Variants in CDK17 observed in about 807,000 individuals in gnomAD.
CDK17 encodes cyclin dependent kinase 17.
A neutral mutation model predicts 77.6 loss-of-function variants in CDK17; 24 were observed. That is an observed-to-expected ratio of 0.31 (90% CI 0.22 to 0.44). The LOEUF (loss-of-function observed/expected upper bound fraction) is 0.44. CDK17 is among the 20% of genes least tolerant of loss of function. CDK17 has a pLI of 1.00. For synonymous variants in CDK17, 203 were observed against 210.4 expected (o/e 0.96, Z 0.30); for missense variants, 429 against 622.5 (o/e 0.69, Z 3.31).
chr12:96,369,878 A>C (rs963212127), intron 1 of CDK17, among the ~76,000 whole-genome samples: 1 of 152,210 alleles, frequency 6.6e-6, no homozygotes, highest in Non-Finnish European at 1.5e-5. Context: ...CAGGAGTTCA[A>C]GACCAGCCTG....
intron 4 of CDK17, among the ~76,000 whole-genome samples, chr12:96,312,285 G>GA (rs984543152): frequency 1.3e-5 from 2 of 151,906 alleles, no homozygotes; most frequent in Non-Finnish European, 2.9e-5. Context: ...TCATAAACCA[G>GA]AAAAAAATAT....
intron 1 of CDK17, among the ~76,000 whole-genome samples, chr12:96,350,431 G>T (rs1953292968): frequency 1.3e-5 from 2 of 150,348 alleles, no homozygotes; most frequent in African/African-American, 2.4e-5. Context: ...TGAACTAGAA[G>T]AACAAAGGTG....
At chr12:96,318,194 G>C (rs937360043) in intron 3 of CDK17, among the ~76,000 whole-genome samples, 87 of 151,230 alleles carry the variant, frequency 5.8e-4, no homozygotes, top group South Asian at 3.0e-3. Flanking sequence ...GATCAAAAGA[G>C]ACAAAGAAGG....
intron 1 of CDK17, among the ~76,000 whole-genome samples, chr12:96,364,417 C>T (rs959484195): frequency 1.3e-5 from 2 of 152,162 alleles, no homozygotes; most frequent in African/African-American, 2.4e-5. Flanking sequence ...ACAGGTATTA[C>T]CTTTTAAATT....
chr12:96,400,082 G>T lies in CDK17; in HGVS notation c.-126C>A. The stretch of plus-strand genomic sequence containing the variant: ...CCCGCGGCGACCGGATGCAAGTCCG[G>T]GTCTCAGCGGCCGGCAGACGTGAGG... On this transcript the variant is annotated 5_prime_UTR_variant, in exon 1 of 17. Transcript: ENST00000261211. The T allele has an allele frequency of 2.6e-6, 1 of 390,798 alleles. No homozygotes were observed. Among genetic ancestry groups the T allele is most frequent in the Non-Finnish European group, 4.5e-6 (1 of 221,110 alleles). 24.2% of individuals were successfully genotyped at this position (390,798 alleles called of 1,614,324 possible).
chr12:96,313,618 C>T (rs1165284592), intron 3 of CDK17, among the ~76,000 whole-genome samples, 164 bp from the exon 4 acceptor site: 1 of 152,052 alleles, frequency 6.6e-6, no homozygotes, highest in Non-Finnish European at 1.5e-5. Flanking sequence ...GAAAACATGA[C>T]TCAAATGTCT....
chr12:96,325,378 TA>T (rs1474220352), intron 2 of CDK17, among the ~76,000 whole-genome samples: 6 of 152,244 alleles, frequency 3.9e-5, no homozygotes, highest in African/African-American at 1.4e-4. Flanking sequence ...GGGATTCCTC[TA>T]CCTGTTTCTC....
chr12:96,326,996 T>C (rs1445923734), intron 2 of CDK17, among the ~76,000 whole-genome samples: 2 of 152,240 alleles, frequency 1.3e-5, no homozygotes, highest in South Asian at 4.1e-4. Context: ...TTAAAGATAG[T>C]AGGAGGTAAG....
chr12:96,344,141 T>C (rs752378210), intron 1 of CDK17, among the ~76,000 whole-genome samples: 4 of 152,110 alleles, frequency 2.6e-5, no homozygotes, highest in Non-Finnish European at 2.9e-5. Flanking sequence ...ATTAAAATTA[T>C]CCAGTCTTAG....
intron 9 of CDK17, among the ~76,000 whole-genome samples, chr12:96,296,650 C>T (rs571820733): frequency 6.6e-6 from 1 of 152,234 alleles, no homozygotes; most frequent in South Asian, 2.1e-4. Context: ...GTCAAAGAAA[C>T]CTACTGTAAG....
intron 5 of CDK17, among the ~76,000 whole-genome samples, chr12:96,300,580 A>G (rs531478990): frequency 1.3e-5 from 2 of 152,204 alleles, no homozygotes; most frequent in South Asian, 2.1e-4. Context: ...CATTTTTAGC[A>G]GAGACAGGGT....
intron 1 of CDK17, among the ~76,000 whole-genome samples, chr12:96,379,795 C>T (rs573692402): frequency 4.6e-5 from 7 of 152,064 alleles, no homozygotes; most frequent in East Asian, 1.9e-4. Flanking sequence ...TCTAACATAT[C>T]GAAACATTTC....
intron 2 of CDK17, among the ~76,000 whole-genome samples, chr12:96,331,223 C>A (rs1952962186): frequency 6.6e-6 from 1 of 152,200 alleles, no homozygotes; most frequent in Non-Finnish European, 1.5e-5. Context: ...GGATTACAGG[C>A]ATAAGCCTGG....
At chr12:96,330,675 T>C (rs530304510) in intron 2 of CDK17, among the ~76,000 whole-genome samples, 14 of 152,246 alleles carry the variant, frequency 9.2e-5, no homozygotes, top group Non-Finnish European at 1.8e-4. Context: ...CTACAGCACA[T>C]AGCTCTTCAT....
At chr12:96,353,608 G>C (rs1953346861) in intron 1 of CDK17, among the ~76,000 whole-genome samples, 1 of 150,908 alleles carries the variant, frequency 6.6e-6, no homozygotes, top group African/African-American at 2.4e-5. Context: ...AAGGTGGCGG[G>C]GGGGGGCGCG....
intron 1 of CDK17, among the ~76,000 whole-genome samples, chr12:96,357,357 G>A (rs1279555366): frequency 6.6e-6 from 1 of 152,174 alleles, no homozygotes; most frequent in Non-Finnish European, 1.5e-5. Flanking sequence ...AGCTACTTAG[G>A]AAGCTGAGGC....
chr12:96,381,362 CTA>C (rs553709646), intron 1 of CDK17, among the ~76,000 whole-genome samples: 1 of 45,368 alleles, frequency 2.2e-5, no homozygotes, highest in Non-Finnish European at 4.6e-5. Context: ...CCATTTTTTC[CTA>C]CAAAAAAAAA....
intron 1 of CDK17, among the ~76,000 whole-genome samples, chr12:96,377,860 A>AT (rs1387784478): frequency 6.6e-6 from 1 of 151,858 alleles, no homozygotes; most frequent in Admixed American, 6.6e-5. Context: ...CGCCCAGCTA[A>AT]TTTTTTGTAT....
chr12:96,324,691 C>T (rs1215440240), intron 2 of CDK17, among the ~76,000 whole-genome samples: 15 of 151,892 alleles, frequency 9.9e-5, no homozygotes, highest in Admixed American at 9.8e-4. Context: ...TGCTTGAACC[C>T]GGGTTGCAGA....
Sources: gnomAD v4.1 joint callset for allele counts (sites outside exome capture counted in the v4.1 genomes callset) on GRCh38, gnomAD v4.1.1 for gene constraint, MANE v1.5 for transcripts, NCBI Gene and HGNC (gene_info 2026-07-23, HGNC 2026-07-21) for gene names.